Variants in WWOX observed in about 807,000 individuals in gnomAD.
WWOX encodes WW domain containing oxidoreductase.
Under a neutral mutation model 46.2 loss-of-function variants are expected in WWOX, and 69 were observed. That is an observed-to-expected ratio of 1.49 (90% CI 1.23 to 1.82). The LOEUF is 1.82. WWOX is among the 40% of genes most tolerant of loss of function. The pLI, the probability that WWOX is intolerant of heterozygous loss-of-function variation, is 0.00. For synonymous variants in WWOX, 359 were observed against 202.6 expected, an observed-to-expected ratio of 1.77 and a Z score of -6.56; for missense variants, 919 against 542.6, an observed-to-expected ratio of 1.69 and a Z score of -6.89.
intron 8 of WWOX, among the ~76,000 whole-genome samples, chr16:79,023,031 G>A (rs955386831): frequency 2.6e-5 from 4 of 151,750 alleles, no homozygotes; most frequent in African/African-American, 7.3e-5. Context: ...AGCACTCACT[G>A]CTGTTGGCTT....
intron 2 of WWOX, among the ~76,000 whole-genome samples, chr16:78,109,184 C>T (rs1300634387): frequency 2.0e-5 from 3 of 152,144 alleles, no homozygotes; most frequent in South Asian, 2.1e-4. Context: ...GTATGATCCA[C>T]GGAATAGAAG....
At chr16:78,878,068 G>C (rs1417237145) in intron 8 of WWOX, among the ~76,000 whole-genome samples, 1 of 152,162 alleles carries the variant, frequency 6.6e-6, no homozygotes, top group African/African-American at 2.4e-5. Context: ...AGCATTCCCT[G>C]TAGTTTTTAG....
At chr16:78,775,434 G>A in intron 8 of WWOX, among the ~76,000 whole-genome samples, 1 of 151,404 alleles carries the variant, frequency 6.6e-6, no homozygotes, top group Non-Finnish European at 1.5e-5. Flanking sequence ...TTTGTGGCTT[G>A]TCTACTCCAA....
At chr16:78,463,826 T>C (rs2738658) in intron 8 of WWOX, among the ~76,000 whole-genome samples, 48,562 of 152,008 alleles carry the variant, frequency 0.32, 10,185 homozygotes, top group African/African-American at 0.61. Flanking sequence ...TGAGGGAGTT[T>C]TGTTTGCAAA....
At chr16:78,809,575 G>C (rs1340098902) in intron 8 of WWOX, among the ~76,000 whole-genome samples, 1 of 151,950 alleles carries the variant, frequency 6.6e-6, no homozygotes, top group Non-Finnish European at 1.5e-5. Flanking sequence ...TTTATTTTTG[G>C]TGTCATGTCT....
Position 78,668,508 on chromosome 16 carries a change from T to G in WWOX, c.1056+235756T>G, listed in dbSNP as rs564930763. On this transcript the variant is annotated intron_variant, in intron 8 of 8. Coordinates refer to ENST00000566780, the MANE Select transcript of WWOX (RefSeq NM_016373.4). ...ACTCTGGGCTAGGCCCTGGGAACAG[T>G]TGAGTAAGAACAAGCAGGAACAAAC... Among the ~76,000 whole-genome samples the G allele has an allele frequency of 3.9e-5, 6 of 152,162 alleles. No homozygotes were observed. The South Asian group carries it at 8.3e-4, about 21-fold the overall frequency.
rs765841412 is a variant in WWOX, at chr16:78,339,484, C to A, written c.517-47376C>A. Among the ~76,000 whole-genome samples the A allele has an allele frequency of 1.7e-5, 2 of 119,654 alleles. 1 individual carries two copies. The highest frequency in any genetic ancestry group is 4.0e-5 in the Non-Finnish European group (2 of 50,348). 78.5% of individuals were successfully genotyped at this position (119,654 alleles called of 152,430 possible). A position where few individuals can be genotyped will look rare whatever the true frequency, so the allele number is the denominator to read the frequency against. ...GATGTTCTTTTTAAAACTGCCCTCA[C>A]ATTGTATCCTGGAAAGTTCATTTAC... On this transcript the variant is annotated intron_variant, in intron 5 of 8. Coordinates refer to ENST00000566780, the MANE Select transcript of WWOX (RefSeq NM_016373.4).
At chr16:78,793,372 T>G (rs1002844801) in intron 8 of WWOX, among the ~76,000 whole-genome samples, 2 of 152,188 alleles carry the variant, frequency 1.3e-5, no homozygotes, top group Non-Finnish European at 2.9e-5. Flanking sequence ...CTGCCTCTGT[T>G]TAAATGCTCA....
rs149178889 is a variant in WWOX, at chr16:78,868,072, G to C, written c.1057-343536G>C. Among the ~76,000 whole-genome samples, 261 of 152,218 alleles carry C rather than the reference G, an allele frequency of 1.7e-3. 1 individual carries two copies. Among genetic ancestry groups the C allele is most frequent in the African/African-American group, 6.0e-3 (250 of 41,532 alleles). On this transcript the variant is annotated intron_variant, in intron 8 of 8. Coordinates refer to ENST00000566780, the MANE Select transcript of WWOX (RefSeq NM_016373.4). ...AAAATAAATGCTTATACAAAGTCTT[G>C]TTCATGAATGTTCATAGCAGCATCA...
At chr16:78,479,683 A>G (rs2084441006) in intron 8 of WWOX, among the ~76,000 whole-genome samples, 2 of 152,218 alleles carry the variant, frequency 1.3e-5, no homozygotes, top group Non-Finnish European at 2.9e-5. Flanking sequence ...TAGAATATGG[A>G]CAGCCCTCTA....
At chr16:78,246,559 T>G (rs1050474253) in intron 5 of WWOX, among the ~76,000 whole-genome samples, 1 of 152,252 alleles carries the variant, frequency 6.6e-6, no homozygotes, top group Non-Finnish European at 1.5e-5. Flanking sequence ...GCTGTTCATG[T>G]ATAGCTGGTT....
intron 8 of WWOX, among the ~76,000 whole-genome samples, chr16:79,011,135 C>CCA (rs10611855): frequency 0.27 from 38,940 of 145,874 alleles, 6,042 homozygotes; most frequent in Middle Eastern, 0.4. Flanking sequence ...ACTCACACAT[C>CCA]CACACACACA....
intron 5 of WWOX, among the ~76,000 whole-genome samples, chr16:78,329,264 T>G (rs1013196292): frequency 2.0e-5 from 3 of 152,204 alleles, no homozygotes; most frequent in African/African-American, 7.2e-5. Flanking sequence ...GAGATGGTAG[T>G]TTCCTCCTCT....
At chr16:78,308,162 T>C (rs1221850764) in intron 5 of WWOX, among the ~76,000 whole-genome samples, 1 of 152,092 alleles carries the variant, frequency 6.6e-6, no homozygotes, top group African/African-American at 2.4e-5. Flanking sequence ...GTCCTTCCCC[T>C]AGCATGTTAG....
chr16:78,905,264 C>T (rs1207318585), intron 8 of WWOX, among the ~76,000 whole-genome samples: 2 of 152,198 alleles, frequency 1.3e-5, no homozygotes, highest in African/African-American at 4.8e-5. Context: ...GTGCTAATTT[C>T]AGTTGTATAT....
intron 8 of WWOX, among the ~76,000 whole-genome samples, chr16:79,032,462 T>C (rs2151397893): frequency 6.8e-6 from 1 of 147,694 alleles, no homozygotes; most frequent in Admixed American, 6.8e-5. Context: ...TTCTATATAT[T>C]ATAATAAACC....
intron 8 of WWOX, among the ~76,000 whole-genome samples, chr16:78,777,642 A>C (rs1014885904): frequency 4.6e-5 from 7 of 152,180 alleles, no homozygotes; most frequent in African/African-American, 1.4e-4. Flanking sequence ...TAGTCAAAAA[A>C]GACCTCAGGG....
chr16:78,115,552 G>A (rs1381563442), intron 4 of WWOX, among the ~76,000 whole-genome samples: 2 of 152,186 alleles, frequency 1.3e-5, no homozygotes, highest in Non-Finnish European at 2.9e-5. Flanking sequence ...TTGGAACAAA[G>A]GATACTACAG....
At chr16:78,219,237 A>G (rs1050554142) in intron 5 of WWOX, among the ~76,000 whole-genome samples, 8 of 152,118 alleles carry the variant, frequency 5.3e-5, no homozygotes, top group African/African-American at 1.2e-4. Context: ...AAGTTGGCCT[A>G]TGTTAGATTA....
Sources: allele counts gnomAD v4.1 joint callset (sites outside exome capture counted in the v4.1 genomes callset), GRCh38; gene constraint gnomAD v4.1.1; transcripts MANE v1.5; gene names NCBI Gene and HGNC (gene_info 2026-07-23, HGNC 2026-07-21).